MYT1L: variants seen among roughly 807,000 people sequenced by gnomAD.
MYT1L encodes myelin transcription factor 1-like protein.
Under a neutral mutation model 126.7 loss-of-function variants are expected in MYT1L, and 12 were observed. The observed-to-expected ratio is 0.09, with a 90% CI of 0.06 to 0.15. The LOEUF is 0.15. Among genes scored for constraint, MYT1L ranks in the 10% least tolerant of loss-of-function variants. The pLI is 1.00. For missense variants in MYT1L, 979 were observed against 1,585.2 expected, an observed-to-expected ratio of 0.62 and a Z score of 6.49; for synonymous variants, 541 against 604.2, an observed-to-expected ratio of 0.90 and a Z score of 1.53.
chr2:1,986,842 G>GC (rs1044015590), intron 5 of MYT1L, among the ~76,000 whole-genome samples: 3 of 152,164 alleles, frequency 2.0e-5, no homozygotes, highest in Admixed American at 2.0e-4. Context: ...CACCCGATGA[G>GC]CTGGAGCCTC....
chr2:1,974,759 G>C (rs549340803), intron 8 of MYT1L: 1 of 152,144 alleles, frequency 6.6e-6, no homozygotes, highest in Non-Finnish European at 1.5e-5. Flanking sequence ...TTCCTTGGTA[G>C]CCAAGAGACC....
At chr2:1,939,590 C>T (rs777580550) in intron 9 of MYT1L, among the ~76,000 whole-genome samples, 6 of 152,232 alleles carry the variant, frequency 3.9e-5, no homozygotes, top group Admixed American at 2.0e-4. Context: ...AAGTGAGTAA[C>T]GTGCTCAACA....
At chr2:2,043,800 T>C (rs150992257) in intron 4 of MYT1L, among the ~76,000 whole-genome samples, 2 of 152,340 alleles carry the variant, frequency 1.3e-5, no homozygotes, top group Admixed American at 6.5e-5. Flanking sequence ...TGCATGAATA[T>C]GGTACATAAA....
At chr2:2,241,251 T>C (rs567189492) in intron 2 of MYT1L, among the ~76,000 whole-genome samples, 101 of 150,216 alleles carry the variant, frequency 6.7e-4, no homozygotes, top group Non-Finnish European at 1.3e-3. Flanking sequence ...TAAATGTATA[T>C]TGGTTTCTTG....
At chr2:2,159,170 G>A (rs2087341649) in intron 3 of MYT1L, among the ~76,000 whole-genome samples, 2 of 152,036 alleles carry the variant, frequency 1.3e-5, no homozygotes. Context: ...GAAGCAGGGG[G>A]CTGTCGGGGT....
At chr2:2,223,172 G>A (rs6714583) in intron 2 of MYT1L, among the ~76,000 whole-genome samples, 3,178 of 152,258 alleles carry the variant, frequency 0.021, 118 homozygotes, top group African/African-American at 0.073. Context: ...ATCCTGCCTC[G>A]AAATGTGAGT....
chr2:2,122,332 G>A (rs2081138815), intron 3 of MYT1L, among the ~76,000 whole-genome samples: 1 of 152,142 alleles, frequency 6.6e-6, no homozygotes, highest in African/African-American at 2.4e-5. Flanking sequence ...GGACTCTCAT[G>A]GGGACTCTGC....
In MYT1L at chr2:1,875,705, AT is replaced by A. The variant is rs1391528447; in HGVS notation, c.2711+10833del. ...GATGAGCGGAAGCAGATCGTGTTTG[AT>A]AATCAGATTATTGCCAGGAAAGAAA... On this transcript the variant is annotated intron_variant, in intron 18 of 24. Coordinates refer to ENST00000647738, the MANE Select transcript of MYT1L (RefSeq NM_001303052.2). Among the ~76,000 whole-genome samples, 7 of 152,144 alleles carry A rather than the reference AT, an allele frequency of 4.6e-5. No individual in the cohort carries two copies. In the East Asian group the frequency reaches 1.4e-3, roughly 29 times the overall value.
At chr2:2,283,890 T>C (rs931348939) in intron 2 of MYT1L, among the ~76,000 whole-genome samples, 1 of 152,154 alleles carries the variant, frequency 6.6e-6, no homozygotes, top group Non-Finnish European at 1.5e-5. Flanking sequence ...TCTGCCTCAG[T>C]TTCCTCATGT....
chr2:2,081,863 C>T (rs1219185301), intron 3 of MYT1L, among the ~76,000 whole-genome samples: 1 of 152,144 alleles, frequency 6.6e-6, no homozygotes, highest in African/African-American at 2.4e-5. Context: ...CCTCAGCCTC[C>T]TGAGTAGATG....
intron 18 of MYT1L, among the ~76,000 whole-genome samples, chr2:1,875,518 A>C (rs1310573058): frequency 1.3e-5 from 2 of 152,180 alleles, no homozygotes; most frequent in Non-Finnish European, 1.5e-5. Flanking sequence ...CACATCTCTG[A>C]ATGTGTCCCA....
chr2:1,859,792 C>T (rs999202194), intron 18 of MYT1L, among the ~76,000 whole-genome samples: 1 of 152,246 alleles, frequency 6.6e-6, no homozygotes, highest in Admixed American at 6.5e-5. Flanking sequence ...GGCCCTGGTG[C>T]CCTGATACCC....
intron 3 of MYT1L, among the ~76,000 whole-genome samples, chr2:2,155,710 G>T (rs139589150): frequency 1.9e-4 from 29 of 152,334 alleles, no homozygotes; most frequent in African/African-American, 6.7e-4. Flanking sequence ...TCAAGGAATT[G>T]CTATGCCCAC....
At chr2:2,220,182 CAG>C (rs2093815948) in intron 2 of MYT1L, among the ~76,000 whole-genome samples, 2 of 152,200 alleles carry the variant, frequency 1.3e-5, no homozygotes, top group Admixed American at 6.5e-5. Flanking sequence ...ACACAGCCCT[CAG>C]AGGGTCCTGA....
At position 1,811,807 on chromosome 2, in the gene MYT1L, C is replaced by T. The variant is rs1170761197; in HGVS notation, c.3081-2640G>A. 2.0e-5 allele frequency among the ~76,000 whole-genome samples: 3 copies of T among 152,126 alleles called. No homozygotes were observed. The highest frequency in any genetic ancestry group is 2.9e-5 in the Non-Finnish European group (2 of 68,036). On this transcript the variant is annotated intron_variant, in intron 21 of 24. Coordinates refer to ENST00000647738, the MANE Select transcript of MYT1L (RefSeq NM_001303052.2). This position sits in a 1 kb window ranked among gnomAD's most constrained non-coding sequence, Gnocchi z 4.4. ...CTCCCTGATGGGGCCTGGGCAACAA[C>T]CTGGCAGTCGTCCCCACTCCGGGGC... is the stretch of plus-strand genomic sequence containing the variant.
At chr2:1,926,831 G>T (rs2054293986) in intron 9 of MYT1L, among the ~76,000 whole-genome samples, 1 of 152,192 alleles carries the variant, frequency 6.6e-6, no homozygotes, top group African/African-American at 2.4e-5. Context: ...GAGCCACTGA[G>T]CCTGGCCTCC....
intron 8 of MYT1L, among the ~76,000 whole-genome samples, chr2:1,954,501 C>G (rs747688934): frequency 6.6e-6 from 1 of 152,182 alleles, no homozygotes; most frequent in African/African-American, 2.4e-5. Flanking sequence ...ACACACTGAA[C>G]GTCAGCACAG....
intron 3 of MYT1L, among the ~76,000 whole-genome samples, chr2:2,094,362 A>C (rs2077208453): frequency 6.6e-6 from 1 of 152,248 alleles, no homozygotes; most frequent in Non-Finnish European, 1.5e-5. Context: ...ACAGTGTGGC[A>C]GTGATTTCTC....
intron 3 of MYT1L, among the ~76,000 whole-genome samples, chr2:2,132,056 T>C (rs1349602177): frequency 6.6e-6 from 1 of 151,660 alleles, no homozygotes; most frequent in African/African-American, 2.4e-5. Context: ...TTACAGCAGG[T>C]GCCACCACGC....
Sources: gnomAD v4.1 joint callset for allele counts (sites outside exome capture counted in the v4.1 genomes callset) on GRCh38, gnomAD v4.1.1 for gene constraint, Gnocchi (gnomAD v3.1) non-coding constraint, MANE v1.5 for transcripts, NCBI Gene and HGNC (gene_info 2026-07-23, HGNC 2026-07-21) for gene names.